Variants in TAFA2 observed in about 807,000 individuals in gnomAD.
TAFA2 encodes the protein TAFA chemokine like family member 2.
In TAFA2, 7 loss-of-function variants were observed where a neutral mutation model predicts 18.8. That is an observed-to-expected ratio of 0.37 (90% CI 0.21 to 0.70). The LOEUF is 0.70. Ranked by LOEUF, TAFA2 falls within the 30% of genes least tolerant of loss-of-function variation. The pLI is 0.53. For synonymous variants in TAFA2, 60 were observed against 54.2 expected (o/e 1.11, Z -0.47); for missense variants, 122 against 158.1 (o/e 0.77, Z 1.23).
chr12:62,030,177 T>C (rs533749460), intron 1 of TAFA2, among the ~76,000 whole-genome samples: 1 of 152,214 alleles, frequency 6.6e-6, no homozygotes, highest in East Asian at 1.9e-4. Context: ...GACCCAAAGA[T>C]AGTGGTCAGA....
At chr12:62,040,492 C>A (rs1881728028) in intron 1 of TAFA2, among the ~76,000 whole-genome samples, 1 of 152,030 alleles carries the variant, frequency 6.6e-6, no homozygotes, top group Admixed American at 6.6e-5. Flanking sequence ...AAGACAGACA[C>A]ATGCAAACAG....
intron 2 of TAFA2, among the ~76,000 whole-genome samples, chr12:61,774,711 G>C (rs1304923514): frequency 6.6e-6 from 1 of 151,202 alleles, no homozygotes; most frequent in African/African-American, 2.4e-5. Flanking sequence ...TATATATTGG[G>C]TACAGTGTAC....
At chr12:62,159,419 G>T (rs2136928407) in intron 1 of TAFA2, among the ~76,000 whole-genome samples, 1 of 152,252 alleles carries the variant, frequency 6.6e-6, no homozygotes, top group East Asian at 1.9e-4. Context: ...TAAGTATCTT[G>T]TAAGATGCAT....
intron 1 of TAFA2, chr12:61,880,547 A>T: frequency 2.0e-6 from 1 of 496,654 alleles, no homozygotes; most frequent in Non-Finnish European, 4.0e-6. Context: ...GATGCAGAAC[A>T]TGAGTATCTA....
At chr12:62,071,470 G>A (rs969009928) in intron 1 of TAFA2, among the ~76,000 whole-genome samples, 1 of 152,084 alleles carries the variant, frequency 6.6e-6, no homozygotes, top group Non-Finnish European at 1.5e-5. Context: ...GGTCTCATTC[G>A]CACTTTTAAA....
chr12:61,851,151 A>G (rs1873626133), intron 2 of TAFA2, among the ~76,000 whole-genome samples: 1 of 152,230 alleles, frequency 6.6e-6, no homozygotes, highest in Non-Finnish European at 1.5e-5. Flanking sequence ...TTAACAAATA[A>G]TTATACAAAT....
At chr12:62,091,711 C>A (rs578225692) in intron 1 of TAFA2, among the ~76,000 whole-genome samples, 1 of 152,086 alleles carries the variant, frequency 6.6e-6, no homozygotes, top group Admixed American at 6.6e-5. Context: ...GCCACATCCC[C>A]TAGGTGATCC....
At chr12:61,881,354 G>A (rs1324212502) in intron 1 of TAFA2, among the ~76,000 whole-genome samples, 1 of 152,072 alleles carries the variant, frequency 6.6e-6, no homozygotes, top group Non-Finnish European at 1.5e-5. Context: ...ACACACCTAG[G>A]CTATTTAGGA....
At chr12:62,078,904 A>C (rs1868278148) in intron 1 of TAFA2, among the ~76,000 whole-genome samples, 1 of 152,224 alleles carries the variant, frequency 6.6e-6, no homozygotes, top group African/African-American at 2.4e-5. Flanking sequence ...GCCATGTGCG[A>C]CAGGAGGAAG....
chr12:61,784,130 G>A (rs190116520), intron 2 of TAFA2, among the ~76,000 whole-genome samples: 18 of 151,594 alleles, frequency 1.2e-4, no homozygotes, highest in African/African-American at 4.3e-4. Context: ...GGAAATACTG[G>A]AAGAAGAAAG....
rs55651727 is a variant in TAFA2, at chr12:61,851,774, CAAAAAAAAAAAAAAAAAAAA to C, written c.106+15526_106+15545del. ...TGGGCGACAGAGCGAGACTCCATCT[CAAAAAAAAAAAAAAAAAAAA>C]AAAAAAAAAAAAAAAAAAAAAAAAC... On this transcript the variant is annotated intron_variant, in intron 2 of 4. Coordinates refer to ENST00000416284, the MANE Select transcript of TAFA2 (RefSeq NM_178539.5). 3.0e-3 allele frequency among the ~76,000 whole-genome samples: 43 copies of C among 14,490 alleles called. 1 individual carries two copies. Among genetic ancestry groups the C allele is most frequent in the Middle Eastern group, 0.083 (1 of 12 alleles). 9.5% of individuals were successfully genotyped at this position (14,490 alleles called of 152,430 possible). A position where few individuals can be genotyped will look rare whatever the true frequency, so the allele number is the denominator to read the frequency against.
intron 1 of TAFA2, among the ~76,000 whole-genome samples, chr12:62,124,834 A>C (rs1330424872): frequency 6.6e-6 from 1 of 152,162 alleles, no homozygotes; most frequent in South Asian, 2.1e-4. Context: ...ACCTCTAGTT[A>C]CTGGTGTAGC....
intron 2 of TAFA2, among the ~76,000 whole-genome samples, chr12:61,831,355 C>CAT (rs1485483145): frequency 2.0e-5 from 3 of 152,020 alleles, no homozygotes; most frequent in Non-Finnish European, 2.9e-5. Flanking sequence ...ACTCTGAGAA[C>CAT]ATTTACTCTA....
chr12:61,986,228 G>A (rs1879813866), intron 1 of TAFA2, among the ~76,000 whole-genome samples: 1 of 117,538 alleles, frequency 8.5e-6, no homozygotes, highest in Non-Finnish European at 1.6e-5. Flanking sequence ...TCAATGGCAT[G>A]ATCTTGGCTC....
chr12:61,729,143 C>T (rs929401655), intron 4 of TAFA2, among the ~76,000 whole-genome samples: 1 of 151,762 alleles, frequency 6.6e-6, no homozygotes, highest in Admixed American at 6.6e-5. Context: ...GATGCTTTTG[C>T]TTCACAGCTC....
chr12:62,182,633 A>G (rs2062559962), intron 1 of TAFA2, among the ~76,000 whole-genome samples: 1 of 152,206 alleles, frequency 6.6e-6, no homozygotes. Flanking sequence ...GTTATGAGGA[A>G]TAAGGCATTC....
chr12:61,886,008 T>C (rs1875359771), intron 1 of TAFA2, among the ~76,000 whole-genome samples: 1 of 152,158 alleles, frequency 6.6e-6, no homozygotes, highest in African/African-American at 2.4e-5. Flanking sequence ...AAATAGAGTG[T>C]ACAATCAATG....
chr12:61,862,997 C>T (rs1229312227), intron 2 of TAFA2, among the ~76,000 whole-genome samples: 5 of 152,134 alleles, frequency 3.3e-5, no homozygotes, highest in African/African-American at 1.2e-4. Context: ...CTGCTATATT[C>T]TCAGGCCTTA....
chr12:62,057,225 C>T (rs2136782846), intron 1 of TAFA2, among the ~76,000 whole-genome samples: 1 of 152,074 alleles, frequency 6.6e-6, no homozygotes, highest in East Asian at 1.9e-4. Context: ...AAAATTTTCC[C>T]CCTTTTGTTT....
Sources: gnomAD v4.1 joint callset for allele counts (sites outside exome capture counted in the v4.1 genomes callset) on GRCh38, gnomAD v4.1.1 for gene constraint, MANE v1.5 for transcripts, NCBI Gene and HGNC (gene_info 2026-07-23, HGNC 2026-07-21) for gene names.